The following LMNTD1 variants were observed in gnomAD, a reference collection of about 807,000 sequenced individuals.
The protein encoded by LMNTD1 is lamin tail domain containing 1, also known as lamin tail domain-containing protein 1.
A neutral mutation model predicts 50.9 loss-of-function variants in LMNTD1; 35 were observed. That is an observed-to-expected ratio of 0.69 (90% CI 0.53 to 0.91). The LOEUF is 0.91. LMNTD1 is among the 40% of genes least tolerant of loss of function. The pLI is 0.00. For missense variants in LMNTD1, 470 were observed against 475.5 expected (o/e 0.99, Z 0.11); for synonymous variants, 153 against 161.9 (o/e 0.94, Z 0.42).
chr12:25,547,281 G>T, intron 3 of LMNTD1: 1 of 508,050 alleles, frequency 2.0e-6, no homozygotes, highest in Non-Finnish European at 2.5e-6. Context: ...CATTTAGACA[G>T]ACTTGTAATT....
At chr12:25,615,538 T>G (rs1048818415) in intron 1 of LMNTD1, among the ~76,000 whole-genome samples, 4 of 152,152 alleles carry the variant, frequency 2.6e-5, no homozygotes, top group Admixed American at 1.3e-4. Flanking sequence ...CTGGGCTCAC[T>G]GCAACCTTTG....
At chr12:25,527,628 C>A (rs1250948108) in intron 4 of LMNTD1, among the ~76,000 whole-genome samples, 2 of 114,552 alleles carry the variant, frequency 1.7e-5, no homozygotes, top group African/African-American at 6.3e-5. Flanking sequence ...ATATGCCAGG[C>A]ACTTAATAAC....
chr12:25,558,035 C>G (rs1015335436), upstream of LMNTD1, among the ~76,000 whole-genome samples: 1 of 152,066 alleles, frequency 6.6e-6, no homozygotes, highest in Non-Finnish European at 1.5e-5. Context: ...AACACTAGCG[C>G]CCCCTAGGAA....
chr12:25,516,107 T>G (rs577072406), intron 8 of LMNTD1, among the ~76,000 whole-genome samples: 36 of 150,826 alleles, frequency 2.4e-4, no homozygotes, highest in Non-Finnish European at 5.1e-4. Flanking sequence ...GATTACTTGA[T>G]TCAATCAATC....
intron 1 of LMNTD1, among the ~76,000 whole-genome samples, chr12:25,558,508 A>C (rs1326045302): frequency 6.6e-6 from 1 of 152,096 alleles, no homozygotes; most frequent in Non-Finnish European, 1.5e-5. Context: ...TTTTCTTTTT[A>C]ATTTCCTCAT....
Position 25,604,233 on chromosome 12 carries a change from T to C in LMNTD1, c.58+44261A>G, listed in dbSNP as rs1336792983. Among the ~76,000 whole-genome samples, 5 of 152,158 alleles carry C rather than the reference T, an allele frequency of 3.3e-5. 1 individual carries two copies. In the South Asian group the frequency reaches 1.0e-3, roughly 32 times the overall value. ...AGCTTTCACTTCTTTGTTTAAATTC[T>C]ACCACTTATGGCCACATGGGACAAA... is the stretch of plus-strand genomic sequence containing the variant. On this transcript the variant is annotated intron_variant, in intron 1 of 7. Transcript: ENST00000445693.
chr12:25,561,185 C>G (rs1002255841), intron 1 of LMNTD1, among the ~76,000 whole-genome samples: 8 of 152,222 alleles, frequency 5.3e-5, no homozygotes, highest in Non-Finnish European at 7.4e-5. Flanking sequence ...CTTCTGCTAG[C>G]TTTTGAATTT....
chr12:25,597,954 T>A (rs1096004), intron 1 of LMNTD1, among the ~76,000 whole-genome samples: 139,187 of 152,146 alleles, frequency 0.91, 64,913 homozygotes, highest in East Asian at 1. Context: ...CAGTGGGAAG[T>A]AATTGAATCA....
At chr12:25,623,176 T>A (rs1946513885) in intron 1 of LMNTD1, among the ~76,000 whole-genome samples, 1 of 152,052 alleles carries the variant, frequency 6.6e-6, no homozygotes, top group Non-Finnish European at 1.5e-5. Context: ...TCAATAAACC[T>A]GAGGGTGTTG....
intron 2 of LMNTD1, among the ~76,000 whole-genome samples, chr12:25,551,865 T>C (rs1456466694): frequency 6.6e-5 from 10 of 152,210 alleles, no homozygotes; most frequent in Admixed American, 5.9e-4. Flanking sequence ...TAAGCATAAG[T>C]AATTTTCTAA....
intron 1 of LMNTD1, among the ~76,000 whole-genome samples, chr12:25,606,610 T>C (rs1443758789): frequency 2.0e-5 from 3 of 152,218 alleles, no homozygotes; most frequent in South Asian, 2.1e-4. Flanking sequence ...TTGTCTTTGG[T>C]TCTGTTTATA....
At chr12:25,483,703 C>T (rs775353656) in intron 9 of LMNTD1, among the ~76,000 whole-genome samples, 1 of 150,606 alleles carries the variant, frequency 6.6e-6, no homozygotes, top group Non-Finnish European at 1.5e-5. Flanking sequence ...ACTCAGGAGG[C>T]GGAAGTTGCA....
chr12:25,627,269 A>G (rs1217073802), intron 1 of LMNTD1, among the ~76,000 whole-genome samples: 2 of 152,202 alleles, frequency 1.3e-5, no homozygotes, highest in East Asian at 1.9e-4. Context: ...AAAGGCATCC[A>G]TGGAGGGAGG....
At chr12:25,477,458 A>G (rs1213679357) in intron 9 of LMNTD1, among the ~76,000 whole-genome samples, 1 of 152,104 alleles carries the variant, frequency 6.6e-6, no homozygotes, top group African/African-American at 2.4e-5. Context: ...GAGAAAGGAG[A>G]GGATGGTGAA....
intron 8 of LMNTD1, among the ~76,000 whole-genome samples, chr12:25,516,233 GA>G (rs1030867005): frequency 6.7e-4 from 101 of 151,840 alleles, no homozygotes; most frequent in African/African-American, 1.9e-3. Context: ...TAACTGAATG[GA>G]AAAAAAAGTT....
chr12:25,533,875 T>C (rs1942388814), intron 4 of LMNTD1, among the ~76,000 whole-genome samples: 1 of 152,234 alleles, frequency 6.6e-6, no homozygotes, highest in Non-Finnish European at 1.5e-5. Context: ...AAAATTGTTT[T>C]AAACCAGAAC....
chr12:25,561,934 T>C (rs770751256), intron 1 of LMNTD1, among the ~76,000 whole-genome samples: 6 of 152,184 alleles, frequency 3.9e-5, no homozygotes, highest in Non-Finnish European at 8.8e-5. Flanking sequence ...TTAAAGTCTG[T>C]TTCATCAGAG....
intron 1 of LMNTD1, chr12:25,586,257 T>G (rs934305309): frequency 3.9e-5 from 6 of 152,026 alleles, no homozygotes; most frequent in African/African-American, 1.4e-4. Flanking sequence ...CTCTACCTAC[T>G]CAGCTACTCA....
At position 25,527,667 on chromosome 12, in the gene LMNTD1, TATATATATATATATACACACACACACAC is replaced by T. The variant is rs1306130832; in HGVS notation, c.492-740_492-713del. ...ATATATATATATATATATATATATA[TATATATATATATATACACACACACACAC>T]ACACACACACACACACACACACACA... is the stretch of plus-strand genomic sequence containing the variant. On this transcript the variant is annotated intron_variant, in intron 4 of 9. Coordinates refer to ENST00000458174, the MANE Select transcript of LMNTD1 (RefSeq NM_001145728.2). Among the ~76,000 whole-genome samples, 230 of 23,094 alleles carry T rather than the reference TATATATATATATATACACACACACACAC, an allele frequency of 1.0e-2. 2 individuals are homozygous for T. The highest frequency in any genetic ancestry group is 0.018 in the Non-Finnish European group (175 of 9,604). The allele number at this position is 23,094 out of a possible 152,430, so 15.2% of individuals were successfully genotyped here. A position where few individuals can be genotyped will look rare whatever the true frequency, so the allele number is the denominator to read the frequency against.
Sources: gnomAD v4.1 joint callset for allele counts (sites outside exome capture counted in the v4.1 genomes callset) on GRCh38, gnomAD v4.1.1 for gene constraint, MANE v1.5 for transcripts, NCBI Gene and HGNC (gene_info 2026-07-23, HGNC 2026-07-21) for gene names.